The following DCAF11 variants were observed in gnomAD, a reference collection of about 807,000 sequenced individuals.
The protein encoded by DCAF11 is DDB1 and CUL4 associated factor 11.
In DCAF11, 44 loss-of-function variants were observed where a neutral mutation model predicts 76.1. The ratio of observed to expected loss-of-function variants is 0.58; its 90% CI spans 0.45 to 0.74. The LOEUF is 0.74. DCAF11 is among the 30% of genes least tolerant of loss of function. The pLI, the probability that DCAF11 is intolerant of heterozygous loss-of-function variation, is 0.00. For synonymous variants in DCAF11, 258 were observed against 255.0 expected, an observed-to-expected ratio of 1.01 and a Z score of -0.11; for missense variants, 604 against 709.4, an observed-to-expected ratio of 0.85 and a Z score of 1.69.
chr14:24,115,890 C>CT, intron 2 of DCAF11, 141 bp downstream of exon 2: 1 of 1,113,458 alleles, frequency 9.0e-7, no homozygotes, highest in Non-Finnish European at 1.2e-6. Flanking sequence ...CCTTTCCCTG[C>CT]TGGGCACCCA....
intron 11 of DCAF11, among the ~76,000 whole-genome samples, chr14:24,120,213 G>T (rs2037664360): frequency 6.6e-6 from 1 of 151,576 alleles, no homozygotes; most frequent in African/African-American, 2.4e-5. Flanking sequence ...AGACCAGCCT[G>T]TGAAACCTAG....
In DCAF11 at chr14:24,114,799, G is replaced by A. The variant is rs1415204687; in HGVS notation, c.-708G>A. On this transcript the variant is annotated 5_prime_UTR_variant, in exon 1 of 15. Coordinates refer to ENST00000446197, the MANE Select transcript of DCAF11 (RefSeq NM_025230.5). ...GTCGTGTGACGTTTGCAGCCCGCCGGCCAGGAAGCCGCGAGATGCGTGACG... is the reference window on the plus strand; with the variant it reads ...GTCGTGTGACGTTTGCAGCCCGCCGACCAGGAAGCCGCGAGATGCGTGACG... 1.0e-6 allele frequency: 1 copy of A among 985,958 alleles called. No homozygotes were observed. Among genetic ancestry groups the A allele is most frequent in the Non-Finnish European group, 1.2e-6 (1 of 829,956 alleles). 61.1% of individuals were successfully genotyped at this position (985,958 alleles called of 1,614,324 possible). A position where few individuals can be genotyped will look rare whatever the true frequency, so the allele number is the denominator to read the frequency against.
At chr14:24,119,521 C>T in intron 9 of DCAF11, 38 bp from the exon 10 acceptor site, 1 of 1,612,410 alleles carries the variant, frequency 6.2e-7, no homozygotes, top group Non-Finnish European at 8.5e-7. Context: ...TCCTCTCGAT[C>T]ATGGCTCCAG....
intron 2 of DCAF11, 47 bp downstream of exon 2, chr14:24,115,796 C>A: frequency 6.3e-7 from 1 of 1,582,444 alleles, no homozygotes; most frequent in South Asian, 1.2e-5. Flanking sequence ...ACCACAGTGC[C>A]TTGATCCCAA....
In DCAF11 at chr14:24,123,014, C is replaced by G. The variant is rs774324852; in HGVS notation, c.1443C>G (p.Asn481Lys). ...LSGHIVKKLT[N>K]HKACVRDVSW... ...GCCACATTGTGAAGAAGCTGACCAA[C>G]CACAAGGCCTGTGTGCGTGACGTCA... Residue 481 changes from asparagine to lysine, a missense_variant, in exon 14 of 15, where the codon AAC becomes AAG. Physicochemically the swap from Asn to Lys is moderately conservative, Grantham distance 94. Coordinates refer to ENST00000446197, the MANE Select transcript of DCAF11 (RefSeq NM_025230.5). 4.3e-6 allele frequency: 7 copies of G among 1,614,180 alleles called. No homozygotes were observed. The highest frequency in any genetic ancestry group is 1.3e-5 in the African/African-American group (1 of 75,038).
In DCAF11 at chr14:24,117,583, G is replaced by A; in HGVS notation, c.412-85G>A. On this transcript the variant is annotated intron_variant, in intron 4 of 14. Coordinates refer to ENST00000446197, the MANE Select transcript of DCAF11 (RefSeq NM_025230.5). The surrounding 1 kb of genome is among the most constrained non-coding windows in gnomAD (Gnocchi z 4.3). Reference sequence around the variant, plus strand: ...GTGTGTGTCCATTTCTATAACAAGAGCAATATCTTTGGAGGAGGGGGCTTG... The same window carrying A: ...GTGTGTGTCCATTTCTATAACAAGAACAATATCTTTGGAGGAGGGGGCTTG... The A allele has an allele frequency of 1.9e-6, 3 of 1,549,004 alleles. No individual in the cohort carries two copies. Among genetic ancestry groups the A allele is most frequent in the Non-Finnish European group, 2.7e-6 (3 of 1,127,870 alleles).
intron 6 of DCAF11, 32 bp from the exon 7 acceptor site, chr14:24,118,356 C>A: frequency 6.2e-7 from 1 of 1,612,212 alleles, no homozygotes; most frequent in Non-Finnish European, 8.5e-7. Context: ...AGGAAACTGT[C>A]CCATAATTCT....
chr14:24,118,464 C>T lies in DCAF11; in HGVS notation c.654C>T (p.Gly218=). 1 of 1,614,216 alleles carries T rather than the reference C, an allele frequency of 6.2e-7. No homozygotes were observed. The highest frequency in any genetic ancestry group is 8.5e-7 in the Non-Finnish European group (1 of 1,180,050). The change falls in exon 7 of 15, where the codon GGC becomes GGT. Residue 218 remains glycine (G), a synonymous_variant. Coordinates refer to ENST00000446197, the MANE Select transcript of DCAF11 (RefSeq NM_025230.5). ...KFKSIKARDV[G]WSVLDVAFTP... is the part of the protein sequence containing the mutation. ...AGAGCATCAAGGCCCGCGACGTAGG[C>T]TGGAGCGTCTTGGATGTGGCCTTCA...
At chr14:24,119,661 T>C (rs1229224331) in intron 10 of DCAF11, 45 bp downstream of exon 10, 3 of 1,614,224 alleles carry the variant, frequency 1.9e-6, no homozygotes, top group African/African-American at 2.7e-5. Flanking sequence ...TTTTTGGCTT[T>C]TTATAAGACC....
In DCAF11 at chr14:24,117,770, G is replaced by T. The variant is rs375480263; in HGVS notation, c.476+38G>T. 1.2e-6 allele frequency: 2 copies of T among 1,601,480 alleles called. No individual in the cohort carries two copies. The highest frequency in any genetic ancestry group is 2.2e-5 in the East Asian group (1 of 44,650). On this transcript the variant is annotated intron_variant, in intron 5 of 14. Coordinates refer to ENST00000446197, the MANE Select transcript of DCAF11 (RefSeq NM_025230.5). The surrounding 1 kb of genome is among the most constrained non-coding windows in gnomAD (Gnocchi z 4.3). ...CTTGGTGAAGAGACTCTAAGGGCCA[G>T]ATAGGTCTTATCTCCTAAACTTTGA...
Position 24,123,156 on chromosome 14 carries a change from G to T in DCAF11, c.1507-19G>T. ...TGGGGGCAGCACATCCTGACTGCTT[G>T]CCACCCTCTGCCCTGCAGTGGGACG... On this transcript the variant is annotated intron_variant, in intron 14 of 14. Coordinates refer to ENST00000446197, the MANE Select transcript of DCAF11 (RefSeq NM_025230.5). 6.2e-7 allele frequency: 1 copy of T among 1,613,826 alleles called. No individual in the cohort carries two copies. Among genetic ancestry groups the T allele is most frequent in the Non-Finnish European group, 8.5e-7 (1 of 1,179,810 alleles).
rs1301966937 is a variant in DCAF11, at chr14:24,117,115, G to T, written c.283+71G>T. 6.2e-7 allele frequency: 1 copy of T among 1,611,132 alleles called. No homozygotes were observed. Among genetic ancestry groups the T allele is most frequent in the African/African-American group, 1.3e-5 (1 of 74,802 alleles). ...CTTTTAGTGATATTTTGAATGATAG[G>T]TTACATTGAAAGAAGGTACGATAAT... On this transcript the variant is annotated intron_variant, in intron 3 of 14. Transcript: ENST00000446197. This position sits in a 1 kb window ranked among gnomAD's most constrained non-coding sequence, Gnocchi z 4.3.
Position 24,115,010 on chromosome 14 carries a change from C to T in DCAF11, c.-497C>T. 1.0e-6 allele frequency: 1 copy of T among 986,026 alleles called. No individual in the cohort carries two copies. Among genetic ancestry groups the T allele is most frequent in the Non-Finnish European group, 1.2e-6 (1 of 829,982 alleles). The allele number at this position is 986,026 out of a possible 1,614,324, so 61.1% of individuals were successfully genotyped here. ...CTCCCCCTCATGGCGTACACACCCC[C>T]GGCGCACCACGTGGGCGTGAGGCGA... On this transcript the variant is annotated 5_prime_UTR_variant, in exon 1 of 15. Transcript: ENST00000446197.
At chr14:24,116,887 C>T in intron 2 of DCAF11, 30 bp from the exon 3 acceptor site, 1 of 1,613,540 alleles carries the variant, frequency 6.2e-7, no homozygotes, top group Non-Finnish European at 8.5e-7. Context: ...GGAAGAAGTC[C>T]CCTCCTTTAT....
Position 24,120,833 on chromosome 14 carries a change from C to T in DCAF11, c.1093-5C>T. The T allele has an allele frequency of 6.2e-7, 1 of 1,614,130 alleles. No individual in the cohort carries two copies. On this transcript the variant is annotated splice_polypyrimidine_tract_variant and splice_region_variant and intron_variant, in intron 11 of 14. Transcript: ENST00000446197. ...ATGCTTCACTATCCACCTTTGGATTCATAGGGTGATGCCCGGTATCTGATC... is the reference window on the plus strand; with the variant it reads ...ATGCTTCACTATCCACCTTTGGATTTATAGGGTGATGCCCGGTATCTGATC...
chr14:24,119,287 C>T (rs2037645399), intron 9 of DCAF11, 74 bp downstream of exon 9: 1 of 1,570,062 alleles, frequency 6.4e-7, no homozygotes, highest in Admixed American at 1.7e-5. Flanking sequence ...TGCTGTTACA[C>T]AGATGGCACT....
intron 9 of DCAF11, 123 bp downstream of exon 9, chr14:24,119,336 A>G (rs1049008837): frequency 1.1e-5 from 15 of 1,358,406 alleles, no homozygotes; most frequent in Non-Finnish European, 1.6e-5. Flanking sequence ...TCCCAAGGTC[A>G]GGATTTACAA....
Position 24,122,993 on chromosome 14 carries a change from C to T in DCAF11, c.1422C>T (p.His474=). 1.2e-6 allele frequency: 2 copies of T among 1,614,154 alleles called. No individual in the cohort carries two copies. The highest frequency in any genetic ancestry group is 8.5e-7 in the Non-Finnish European group (1 of 1,180,008). ...KVVVYDLLSG[H]IVKKLTNHKA... Reference sequence around the variant, plus strand: ...CAGTGTACGACCTTCTAAGTGGCCACATTGTGAAGAAGCTGACCAACCACA... The same window carrying T: ...CAGTGTACGACCTTCTAAGTGGCCATATTGTGAAGAAGCTGACCAACCACA... Residue 474 remains histidine, a synonymous_variant, in exon 14 of 15, where the codon CAC becomes CAT. Coordinates refer to ENST00000446197, the MANE Select transcript of DCAF11 (RefSeq NM_025230.5).
At position 24,123,573 on chromosome 14, in the gene DCAF11, T is replaced by G. The variant is rs1182759744; in HGVS notation, c.*264T>G. ...CTGCCATTATCTGGGGTGTGGCCTC[T>G]GCCAGCAAGAGAAGTGTCCTGGGTG... On this transcript the variant is annotated 3_prime_UTR_variant, in exon 15 of 15. Coordinates refer to ENST00000446197, the MANE Select transcript of DCAF11 (RefSeq NM_025230.5). 3 of 430,052 alleles carry G rather than the reference T, an allele frequency of 7.0e-6. No individual in the cohort carries two copies. Among genetic ancestry groups the G allele is most frequent in the African/African-American group, 2.0e-5 (1 of 49,602 alleles). 26.6% of individuals were successfully genotyped at this position (430,052 alleles called of 1,614,324 possible).
Sources: gnomAD v4.1 joint callset for allele counts (sites outside exome capture counted in the v4.1 genomes callset) on GRCh38, gnomAD v4.1.1 for gene constraint, Gnocchi (gnomAD v3.1) non-coding constraint, MANE v1.5 for transcripts, NCBI Gene and HGNC (gene_info 2026-07-23, HGNC 2026-07-21) for gene names.